DNAH11: variants seen among roughly 807,000 people sequenced by gnomAD.
DNAH11 encodes axonemal beta dynein heavy chain 11.
A neutral mutation model predicts 526.0 loss-of-function variants in DNAH11; 442 were observed. The ratio of observed to expected loss-of-function variants is 0.84; its 90% confidence interval spans 0.78 to 0.91. The LOEUF is 0.91. DNAH11 is among the 40% of genes least tolerant of loss of function. The pLI is 0.00. For synonymous variants in DNAH11, 2,461 were observed against 1,935.9 expected (o/e 1.27, Z -7.12); for missense variants, 6,989 against 5,448.7 (o/e 1.28, Z -8.90).
chr7:21,838,845 C>T (rs1782094951), intron 65 of DNAH11, among the ~76,000 whole-genome samples: 2 of 152,070 alleles, frequency 1.3e-5, no homozygotes, highest in Non-Finnish European at 1.5e-5. Context: ...ATCCTCCCAC[C>T]TCAGCCTCCT....
At chr7:21,564,111 T>C in intron 5 of DNAH11, 75 bp from the exon 6 acceptor site, 1 of 1,144,160 alleles carries the variant, frequency 8.7e-7, no homozygotes, top group East Asian at 2.4e-5. Context: ...GTGGCTCTCT[T>C]CTACATGTAA....
At chr7:21,746,169 G>A (rs1327586407) in intron 51 of DNAH11, among the ~76,000 whole-genome samples, 3 of 152,164 alleles carry the variant, frequency 2.0e-5, no homozygotes, top group Non-Finnish European at 2.9e-5. Flanking sequence ...CCACTGCTGT[G>A]TAGAAAGTTG....
intron 28 of DNAH11, among the ~76,000 whole-genome samples, chr7:21,643,002 G>A (rs117425991): frequency 5.0e-4 from 76 of 152,192 alleles, no homozygotes; most frequent in African/African-American, 1.3e-3. Flanking sequence ...CAAGGTTATC[G>A]ATTAACTAAA....
At chr7:21,761,762 A>G (rs566771334) in intron 54 of DNAH11, among the ~76,000 whole-genome samples, 2 of 152,328 alleles carry the variant, frequency 1.3e-5, no homozygotes, top group Non-Finnish European at 2.9e-5. Flanking sequence ...TATTTAAGCA[A>G]TAATACATAA....
intron 2 of DNAH11, among the ~76,000 whole-genome samples, chr7:21,547,659 T>C (rs969633685): frequency 6.6e-6 from 1 of 152,214 alleles, no homozygotes; most frequent in African/African-American, 2.4e-5. Context: ...TCGTCTACAT[T>C]CTGTTCCTTT....
rs1784541253 is a variant in DNAH11 at position 21,588,208 on chromosome 7, G to A, written c.1848+7G>A. The A allele has an allele frequency of 4.4e-6, 7 of 1,607,844 alleles. No individual in the cohort carries two copies. The highest frequency in any genetic ancestry group is 5.9e-6 in the Non-Finnish European group (7 of 1,177,978). On this transcript the variant is annotated splice_region_variant and intron_variant, in intron 10 of 81. Transcript: ENST00000409508. The stretch of plus-strand genomic sequence containing the variant: ...TAATGAACACATGAAACAGGTAAGT[G>A]GTGGATAAGGTTGGACACATTTACA...
rs760138047 is a variant in DNAH11, at chr7:21,588,509, C to A, written c.1849-3C>A. 2 of 1,612,900 alleles carry A rather than the reference C, an allele frequency of 1.2e-6. No individual in the cohort carries two copies. The highest frequency in any genetic ancestry group is 2.2e-5 in the South Asian group (2 of 90,878). The stretch of plus-strand genomic sequence containing the variant: ...TCCTCTTCACCAAAATATCAACTTG[C>A]AGATTGAATGTGGTCATGTAGTTCT... On this transcript the variant is annotated splice_polypyrimidine_tract_variant and splice_region_variant and intron_variant, in intron 10 of 81. Transcript: ENST00000409508.
chr7:21,856,622 G>A (rs1782859808), intron 68 of DNAH11, among the ~76,000 whole-genome samples: 1 of 151,978 alleles, frequency 6.6e-6, no homozygotes, highest in Non-Finnish European at 1.5e-5. Context: ...TATATAAAAA[G>A]CACAATGTAT....
At chr7:21,641,401 T>A (rs928916009) in intron 28 of DNAH11, among the ~76,000 whole-genome samples, 6 of 152,058 alleles carry the variant, frequency 3.9e-5, no homozygotes, top group African/African-American at 9.7e-5. Context: ...TGCATGGAGG[T>A]AGAGGAGGGT....
At chr7:21,619,275 A>C in intron 24 of DNAH11, 53 bp downstream of exon 24, 1 of 1,576,954 alleles carries the variant, frequency 6.3e-7, no homozygotes, top group Non-Finnish European at 8.6e-7. Context: ...GGGTATTTGC[A>C]TAGAAGCCAA....
chr7:21,849,689 C>A (rs73279811), intron 66 of DNAH11, among the ~76,000 whole-genome samples: 2 of 151,914 alleles, frequency 1.3e-5, no homozygotes, highest in Non-Finnish European at 2.9e-5. Context: ...AATTGTTATC[C>A]TTGTTCCTTC....
At chr7:21,710,364 G>GGT (rs1219508163) in intron 40 of DNAH11, among the ~76,000 whole-genome samples, 189 bp from the exon 41 acceptor site, 1 of 152,128 alleles carries the variant, frequency 6.6e-6, no homozygotes, top group Non-Finnish European at 1.5e-5. Flanking sequence ...TTCTCAGTGA[G>GGT]GTGAAACTTA....
At position 21,784,440 on chromosome 7, in the gene DNAH11, A is replaced by G. The variant is rs562875579; in HGVS notation, c.9497A>G (p.Gln3166Arg). 2.4e-4 allele frequency: 386 copies of G among 1,613,092 alleles called. 6 individuals carry two copies. In the South Asian group the frequency reaches 3.9e-3, roughly 16 times the overall value. The change falls in exon 58 of 82, where the codon CAG becomes CGG. Residue 3166 changes from glutamine (Q) to arginine (R), a missense_variant. Gln to Arg is a conservative substitution (Grantham distance 43, BLOSUM62 1). Transcript: ENST00000409508. ...CTCTTTAATTAGGTGACAGCCATTC[A>G]GACTGAAGTGTTCCAGAAACAGAGA... ...DAEERKVTAI[Q>R]TEVFQKQREC...
intron 2 of DNAH11, among the ~76,000 whole-genome samples, chr7:21,548,927 G>A (rs1782912084): frequency 2.0e-5 from 3 of 151,728 alleles, no homozygotes; most frequent in Admixed American, 6.6e-5. Context: ...TATTGCCCAG[G>A]CTGGAGTGCA....
chr7:21,744,870 G>A lies in DNAH11; in HGVS notation c.8317G>A (p.Gly2773Ser). The A allele has an allele frequency of 6.2e-7, 1 of 1,606,824 alleles. No individual in the cohort carries two copies. The highest frequency in any genetic ancestry group is 8.5e-7 in the Non-Finnish European group (1 of 1,176,670). ...MLETAYKYFEGIDSHMLLQQP... is the reference protein window; with the variant it reads ...MLETAYKYFESIDSHMLLQQP... ...TATTTTTCTCTTTCTCATCCTGCAG[G>A]GTATAGATAGTCACATGCTGCTTCA... The change falls in exon 51 of 82, where the codon GGT (glycine) becomes AGT (serine). Residue 2773 changes from glycine (G) to serine (S), a missense_variant and splice_region_variant. Gly to Ser is a moderately conservative substitution (Grantham distance 56). Transcript: ENST00000409508.
chr7:21,676,691 A>T (rs1182424341), intron 30 of DNAH11, among the ~76,000 whole-genome samples: 1 of 152,228 alleles, frequency 6.6e-6, no homozygotes, highest in Non-Finnish European at 1.5e-5. Context: ...AGGCAAGACA[A>T]TGCGTGTGAA....
At chr7:21,856,829 C>A (rs553372665) in intron 68 of DNAH11, among the ~76,000 whole-genome samples, 4 of 151,874 alleles carry the variant, frequency 2.6e-5, no homozygotes, top group Non-Finnish European at 4.4e-5. Flanking sequence ...TAGATGGTAA[C>A]TTCTCAACAT....
intron 38 of DNAH11, among the ~76,000 whole-genome samples, 184 bp downstream of exon 38, chr7:21,704,812 C>A (rs1234019332): frequency 6.6e-6 from 1 of 152,210 alleles, no homozygotes; most frequent in African/African-American, 2.4e-5. Flanking sequence ...AGTAGCCCCT[C>A]TCCGTAAGGT....
chr7:21,551,251 A>T (rs1783010471), intron 2 of DNAH11, among the ~76,000 whole-genome samples: 1 of 152,208 alleles, frequency 6.6e-6, no homozygotes, highest in African/African-American at 2.4e-5. Flanking sequence ...GTCTGGGATC[A>T]GGCTTGTCTT....
Sources: gnomAD v4.1 joint callset for allele counts (sites outside exome capture counted in the v4.1 genomes callset) on GRCh38, gnomAD v4.1.1 for gene constraint, MANE v1.5 for transcripts, NCBI Gene and HGNC (gene_info 2026-07-23, HGNC 2026-07-21) for gene names.